Variants in STK17B observed in about 807,000 individuals in gnomAD.
STK17B encodes the protein serine/threonine kinase 17b, also known as serine/threonine-protein kinase 17B.
In STK17B, 21 loss-of-function variants were observed where a neutral mutation model predicts 42.0. That is an observed-to-expected ratio of 0.50 (90% confidence interval 0.35 to 0.72). The LOEUF (loss-of-function observed/expected upper bound fraction) is 0.72. Ranked by LOEUF, STK17B falls within the 30% of genes least tolerant of loss-of-function variation. The pLI, the probability that STK17B is intolerant of heterozygous loss-of-function variation, is 0.00. For missense variants in STK17B, 349 were observed against 446.0 expected (o/e 0.78, Z 1.96); for synonymous variants, 143 against 148.4 (o/e 0.96, Z 0.26).
chr2:196,137,481 T>C lies in STK17B; in HGVS notation c.1085A>G (p.Asn362Ser), dbSNP rs372377287. 2.0e-5 allele frequency: 33 copies of C among 1,613,910 alleles called. No homozygotes were observed. Among genetic ancestry groups the C allele is most frequent in the East Asian group, 6.7e-5 (3 of 44,864 alleles). ...KRFRFDDSLPNPHELVSDLLC is the reference protein window; with the variant it reads ...KRFRFDDSLPSPHELVSDLLC ...CAAATCTGAAACAAGTTCATGGGGA[T>C]TGGGTAATGAGTCATCGAAACGAAA... is the stretch of plus-strand genomic sequence containing the variant. Residue 362 changes from asparagine (N) to serine (S), a missense_variant, in exon 8 of 8, where the codon AAT becomes AGT. Asn to Ser is a conservative substitution (Grantham distance 46). Coordinates refer to ENST00000263955, the MANE Select transcript of STK17B (RefSeq NM_004226.4).
chr2:196,150,203 A>G (rs1575177574), intron 3 of STK17B, among the ~76,000 whole-genome samples: 1 of 124,922 alleles, frequency 8.0e-6, no homozygotes, highest in African/African-American at 2.8e-5. Context: ...AAAAAAAAAA[A>G]GACAAAAAAG....
chr2:196,142,313 C>A (rs1699505989), intron 5 of STK17B, among the ~76,000 whole-genome samples: 1 of 152,276 alleles, frequency 6.6e-6, no homozygotes, highest in East Asian at 1.9e-4. Context: ...TCGCCTTGGC[C>A]TCCCAAAGTG....
chr2:196,162,969 C>T (rs1351131324), intron 2 of STK17B, among the ~76,000 whole-genome samples: 1 of 152,136 alleles, frequency 6.6e-6, no homozygotes, highest in Non-Finnish European at 1.5e-5. Context: ...AACTTGAACT[C>T]GGCAGTCCAC....
intron 7 of STK17B, 93 bp downstream of exon 7, chr2:196,139,527 A>G: frequency 1.2e-6 from 1 of 810,930 alleles, no homozygotes; most frequent in Non-Finnish European, 1.7e-6. Flanking sequence ...ACTATTTTAG[A>G]ATATACTTTC....
At chr2:196,162,094 G>A (rs933693571) in intron 2 of STK17B, among the ~76,000 whole-genome samples, 1 of 152,144 alleles carries the variant, frequency 6.6e-6, no homozygotes, top group South Asian at 2.1e-4. Flanking sequence ...GAAAATACAT[G>A]ATGACTACCA....
chr2:196,162,970 G>C (rs1163596268), intron 2 of STK17B, among the ~76,000 whole-genome samples: 1 of 152,074 alleles, frequency 6.6e-6, no homozygotes, highest in Non-Finnish European at 1.5e-5. Context: ...ACTTGAACTC[G>C]GCAGTCCACT....
At chr2:196,139,466 C>T (rs1699461246) in intron 7 of STK17B, among the ~76,000 whole-genome samples, 154 bp downstream of exon 7, 1 of 152,036 alleles carries the variant, frequency 6.6e-6, no homozygotes, top group Non-Finnish European at 1.5e-5. Flanking sequence ...TTAATGATTG[C>T]TCATACCACC....
In STK17B at chr2:196,141,200, G is replaced by A. The variant is rs781220228; in HGVS notation, c.656+49C>T. 95 of 1,448,892 alleles carry A rather than the reference G, an allele frequency of 6.6e-5. No individual in the cohort carries two copies. The Admixed American group carries it at 1.5e-3, about 23-fold the overall frequency. 89.8% of individuals were successfully genotyped at this position (1,448,892 alleles called of 1,614,324 possible). A position where few individuals can be genotyped will look rare whatever the true frequency, so the allele number is the denominator to read the frequency against. On this transcript the variant is annotated intron_variant, in intron 6 of 7. Transcript: ENST00000263955. ...GGAGTCAAAGAACCCCAGAATATAC[G>A]TTTCCCAACTTTCCATAAAGATGTT...
At chr2:196,153,258 A>AAAAAAAAAAAC (rs1229222621) in intron 3 of STK17B, 2 of 151,572 alleles carry the variant, frequency 1.3e-5, no homozygotes, top group Admixed American at 6.6e-5. Context: ...CAATGTCCAA[A>AAAAAAAAAAAC]AAAAAAAAAC....
At chr2:196,159,062 G>C (rs749094431) in intron 2 of STK17B, among the ~76,000 whole-genome samples, 1 of 150,986 alleles carries the variant, frequency 6.6e-6, no homozygotes, top group Non-Finnish European at 1.5e-5. Context: ...TAACTCACTT[G>C]CTTCTATCAA....
At chr2:196,174,789 T>C (rs545797091), upstream of STK17B, among the ~76,000 whole-genome samples, 2 of 152,240 alleles carry the variant, frequency 1.3e-5, no homozygotes, top group Non-Finnish European at 2.9e-5. Flanking sequence ...CCAGAGAGAC[T>C]CTAAGAGACC....
intron 3 of STK17B, among the ~76,000 whole-genome samples, chr2:196,146,787 AC>A (rs1357107848): frequency 1.3e-5 from 2 of 152,112 alleles, no homozygotes; most frequent in African/African-American, 2.4e-5. Context: ...TGGTTACTAC[AC>A]CCATTTTACA....
intron 3 of STK17B, among the ~76,000 whole-genome samples, chr2:196,147,656 T>G (rs983232858): frequency 6.6e-6 from 1 of 152,124 alleles, no homozygotes; most frequent in Non-Finnish European, 1.5e-5. Flanking sequence ...GGAATACACG[T>G]GAAAGCTCCA....
At chr2:196,141,992 T>G (rs2105679101) in intron 5 of STK17B, among the ~76,000 whole-genome samples, 1 of 152,304 alleles carries the variant, frequency 6.6e-6, no homozygotes, top group East Asian at 1.9e-4. Context: ...GTTTTTCTTT[T>G]GGGGTAAATA....
intron 1 of STK17B, among the ~76,000 whole-genome samples, chr2:196,169,654 T>A (rs1301395004): frequency 6.6e-6 from 1 of 152,210 alleles, no homozygotes; most frequent in East Asian, 1.9e-4. Context: ...AATGCTTGTA[T>A]CTTCTTCAAA....
At chr2:196,139,596 G>A in intron 7 of STK17B, 24 bp downstream of exon 7, 1 of 1,317,604 alleles carries the variant, frequency 7.6e-7, no homozygotes, top group Non-Finnish European at 9.9e-7. Flanking sequence ...ATTTGTAATA[G>A]TATTTAAACA....
chr2:196,165,593 CT>C (rs146974007), intron 1 of STK17B: 112 of 152,290 alleles, frequency 7.4e-4, no homozygotes, highest in African/African-American at 2.6e-3. Context: ...CCAATTCAGA[CT>C]TTTAAGTTTG....
At chr2:196,157,233 T>G (rs1699752495) in intron 2 of STK17B, among the ~76,000 whole-genome samples, 1 of 152,022 alleles carries the variant, frequency 6.6e-6, no homozygotes, top group African/African-American at 2.4e-5. Flanking sequence ...GCTCTTGATA[T>G]AAATTATTGT....
chr2:196,165,823 A>G (rs914174060), intron 1 of STK17B: 1 of 152,266 alleles, frequency 6.6e-6, no homozygotes, highest in Non-Finnish European at 1.5e-5. Context: ...CTATTGTTCC[A>G]CAAAACAAAA....
Sources: allele counts gnomAD v4.1 joint callset (sites outside exome capture counted in the v4.1 genomes callset), GRCh38; gene constraint gnomAD v4.1.1; transcripts MANE v1.5; gene names NCBI Gene and HGNC (gene_info 2026-07-23, HGNC 2026-07-21).